KDM2B: variants seen among roughly 807,000 people sequenced by gnomAD.
KDM2B encodes the protein lysine demethylase 2B, also known as lysine-specific demethylase 2B.
KDM2B carries 26 observed loss-of-function variants against 150.0 expected under a neutral mutation model. The observed-to-expected ratio is 0.17, with a 90% CI of 0.13 to 0.24. The LOEUF (loss-of-function observed/expected upper bound fraction) is 0.24, where lower values mean the gene tolerates loss of function less well. Ranked by LOEUF, KDM2B falls within the 10% of genes least tolerant of loss-of-function variation. KDM2B has a pLI of 1.00. For missense variants in KDM2B, 1,265 were observed against 1,816.9 expected (o/e 0.70, Z 5.52); for synonymous variants, 734 against 729.5 (o/e 1.01, Z -0.10).
intron 12 of KDM2B, among the ~76,000 whole-genome samples, chr12:121,474,828 T>G (rs868921388): frequency 6.6e-6 from 1 of 152,114 alleles, no homozygotes; most frequent in Non-Finnish European, 1.5e-5. Flanking sequence ...GGTGCACATC[T>G]GCAGTCCCAG....
At chr12:121,461,495 G>A (rs879966208) in intron 12 of KDM2B, among the ~76,000 whole-genome samples, 1 of 152,164 alleles carries the variant, frequency 6.6e-6, no homozygotes, top group Non-Finnish European at 1.5e-5. Context: ...AGGAATGGAA[G>A]GAATGAAGAG....
At chr12:121,470,090 C>G (rs1880599296) in intron 12 of KDM2B, 1 of 135,580 alleles carries the variant, frequency 7.4e-6, no homozygotes, top group African/African-American at 3.3e-5. Context: ...GAGTGATATT[C>G]TGTCTCAAAA....
At chr12:121,506,627 C>A (rs782636430) in intron 11 of KDM2B, among the ~76,000 whole-genome samples, 3 of 151,804 alleles carry the variant, frequency 2.0e-5, no homozygotes, top group Non-Finnish European at 4.4e-5. Context: ...CACGGTGAAA[C>A]CCCCATCTCT....
At chr12:121,451,775 G>A (rs1229128986) in intron 13 of KDM2B, among the ~76,000 whole-genome samples, 2 of 152,058 alleles carry the variant, frequency 1.3e-5, no homozygotes, top group Non-Finnish European at 2.9e-5. Flanking sequence ...AGCCAGATGT[G>A]GTGGCAGGTG....
At chr12:121,566,809 G>A (rs1309972988) in intron 4 of KDM2B, among the ~76,000 whole-genome samples, 2 of 151,968 alleles carry the variant, frequency 1.3e-5, no homozygotes, top group South Asian at 2.1e-4. Context: ...ACAAACAAAC[G>A]AACAAAACAA....
chr12:121,550,426 A>G (rs1225070103), intron 4 of KDM2B, among the ~76,000 whole-genome samples: 1 of 152,230 alleles, frequency 6.6e-6, no homozygotes, highest in Admixed American at 6.5e-5. Context: ...TAAACCAGCC[A>G]AAGGCCACCA....
At chr12:121,548,565 G>C (rs1555311143) in intron 6 of KDM2B, among the ~76,000 whole-genome samples, 1 of 152,226 alleles carries the variant, frequency 6.6e-6, no homozygotes, top group East Asian at 1.9e-4. Flanking sequence ...AGTATGCACA[G>C]TTGTGCCCTT....
intron 10 of KDM2B, among the ~76,000 whole-genome samples, chr12:121,512,550 G>A (rs1310870175): frequency 6.6e-6 from 1 of 152,032 alleles, no homozygotes; most frequent in African/African-American, 2.4e-5. Flanking sequence ...TGTCTGAGAT[G>A]CTGCAGACTC....
At chr12:121,483,804 G>T (rs1882434176) in intron 12 of KDM2B, among the ~76,000 whole-genome samples, 1 of 152,116 alleles carries the variant, frequency 6.6e-6, no homozygotes, top group Non-Finnish European at 1.5e-5. Flanking sequence ...CGTCAGCCAG[G>T]ATCTTGGCAG....
Position 121,464,984 on chromosome 12 carries a change from G to A in KDM2B, c.1735-11640C>T, listed in dbSNP as rs377508048. On this transcript the variant is annotated intron_variant, in intron 12 of 22. Transcript: ENST00000377071. Reference sequence around the variant, plus strand: ...GGCAAGGAGAGTGTCCCCCAACTACGGGGTACCTTAGCTGACAAACACCTT... The same window carrying A: ...GGCAAGGAGAGTGTCCCCCAACTACAGGGTACCTTAGCTGACAAACACCTT... 3.3e-5 allele frequency among the ~76,000 whole-genome samples: 5 copies of A among 152,202 alleles called. No homozygotes were observed. In the East Asian group the frequency reaches 7.7e-4, roughly 24 times the overall value.
At chr12:121,474,163 G>T (rs1881081230) in intron 12 of KDM2B, among the ~76,000 whole-genome samples, 1 of 152,126 alleles carries the variant, frequency 6.6e-6, no homozygotes, top group Admixed American at 6.6e-5. Context: ...TAGAAGTATT[G>T]GTTGTACAAC....
At chr12:121,579,496 C>A (rs1891774589) in intron 1 of KDM2B, 2 of 957,740 alleles carry the variant, frequency 2.1e-6, no homozygotes, top group Admixed American at 2.3e-5. Context: ...CCCAGCCGCC[C>A]CCGCCGCCCG....
At chr12:121,417,572 A>G in the KDM2B span, 9 of 1,614,094 alleles carry the variant, frequency 5.6e-6, no homozygotes, top group African/African-American at 1.1e-4. This position sits in a 1 kb window ranked among gnomAD's most constrained non-coding sequence, Gnocchi z 5.0. Flanking sequence ...ATCTCCGTAG[A>G]TGTTCTACTT....
At chr12:121,538,267 CCT>C (rs1329917804) in intron 6 of KDM2B, among the ~76,000 whole-genome samples, 2 of 152,042 alleles carry the variant, frequency 1.3e-5, no homozygotes, top group African/African-American at 2.4e-5. Flanking sequence ...TCCCCACCCC[CCT>C]GAGCCCCGTG....
At chr12:121,560,961 T>C (rs1890296224) in intron 4 of KDM2B, among the ~76,000 whole-genome samples, 1 of 152,174 alleles carries the variant, frequency 6.6e-6, no homozygotes, top group Admixed American at 6.5e-5. Flanking sequence ...CTCGGGTTCC[T>C]GAAGTCAGTG....
intron 8 of KDM2B, among the ~76,000 whole-genome samples, chr12:121,530,845 T>C (rs1887606939): frequency 6.6e-6 from 1 of 152,102 alleles, no homozygotes; most frequent in African/African-American, 2.4e-5. Flanking sequence ...CTCCCAGCTC[T>C]GCATAAGGCC....
intron 12 of KDM2B, among the ~76,000 whole-genome samples, chr12:121,479,141 C>T (rs892248976): frequency 6.6e-6 from 1 of 151,756 alleles, no homozygotes; most frequent in Non-Finnish European, 1.5e-5. Context: ...AGTGGAATGT[C>T]GGGTCTTTTT....
intron 8 of KDM2B, among the ~76,000 whole-genome samples, chr12:121,531,312 T>C (rs782226491): frequency 6.6e-6 from 1 of 152,196 alleles, no homozygotes; most frequent in Non-Finnish European, 1.5e-5. Context: ...TAGGGAAGTC[T>C]CCAGTTTCTG....
chr12:121,574,820 T>C (rs963140642), intron 3 of KDM2B, among the ~76,000 whole-genome samples: 2 of 152,174 alleles, frequency 1.3e-5, no homozygotes, highest in African/African-American at 4.8e-5. Flanking sequence ...AACTCAAACC[T>C]GAACCTCAGC....
Sources: allele counts gnomAD v4.1 joint callset (sites outside exome capture counted in the v4.1 genomes callset), GRCh38; gene constraint gnomAD v4.1.1; non-coding constraint Gnocchi (gnomAD v3.1); transcripts MANE v1.5; gene names NCBI Gene and HGNC (gene_info 2026-07-23, HGNC 2026-07-21).